Variants in NPHP4 observed in about 807,000 individuals in gnomAD.
The protein encoded by NPHP4 is nephrocystin-4.
A neutral mutation model predicts 155.8 loss-of-function variants in NPHP4; 151 were observed. The ratio of observed to expected loss-of-function variants is 0.97; its 90% CI spans 0.85 to 1.11. The LOEUF is 1.11. Ranked by LOEUF, NPHP4 falls within the 50% of genes least tolerant of loss-of-function variation. The probability of loss-of-function intolerance (pLI) is 0.00; values close to 1 mark genes in which losing one functional copy is unlikely to be tolerated. For missense variants in NPHP4, 1,956 were observed against 1,925.7 expected, an observed-to-expected ratio of 1.02 and a Z score of -0.29; for synonymous variants, 845 against 816.8, an observed-to-expected ratio of 1.03 and a Z score of -0.59.
intron 9 of NPHP4, among the ~76,000 whole-genome samples, chr1:5,937,192 T>A (rs548907867): frequency 2.6e-5 from 4 of 151,862 alleles, no homozygotes; most frequent in Admixed American, 6.6e-5. Flanking sequence ...CTCGGCTCTG[T>A]CACACCAGGG....
intron 6 of NPHP4, among the ~76,000 whole-genome samples, chr1:5,954,440 T>A (rs1648798370): frequency 6.6e-6 from 1 of 152,230 alleles, no homozygotes; most frequent in Non-Finnish European, 1.5e-5. Flanking sequence ...AGGCAGGAAC[T>A]GTAGATTATT....
intron 11 of NPHP4, among the ~76,000 whole-genome samples, chr1:5,916,330 A>C (rs1265051648): frequency 1.3e-5 from 2 of 152,198 alleles, no homozygotes; most frequent in Non-Finnish European, 1.5e-5. Context: ...CAAAGGAACC[A>C]TATAAGTTGG....
chr1:5,901,776 G>C (rs988714390), intron 16 of NPHP4, among the ~76,000 whole-genome samples: 1 of 152,236 alleles, frequency 6.6e-6, no homozygotes, highest in Non-Finnish European at 1.5e-5. Flanking sequence ...GTCTTCAGCA[G>C]TGGGTACAGA....
At position 5,882,455 on chromosome 1, in the gene NPHP4, C is replaced by T. The variant is rs1643385459; in HGVS notation, c.2486-2216G>A. 1 of 153,284 alleles carries T rather than the reference C, an allele frequency of 6.5e-6. No individual in the cohort carries two copies. The allele number at this position is 153,284 out of a possible 1,614,324, so 9.5% of individuals were successfully genotyped here. ...TGTCCCAGTAGCTGACACCCCCCGCCTCTTGTTCTTTCTCCTTGACCTCGA... is the reference window on the plus strand; with the variant it reads ...TGTCCCAGTAGCTGACACCCCCCGCTTCTTGTTCTTTCTCCTTGACCTCGA... On this transcript the variant is annotated intron_variant, in intron 18 of 29. Coordinates refer to ENST00000378156, the MANE Select transcript of NPHP4 (RefSeq NM_015102.5). The surrounding 1 kb of genome is among the most constrained non-coding windows in gnomAD (Gnocchi z 5.1).
At chr1:5,978,998 C>A (rs1654194021) in intron 2 of NPHP4, among the ~76,000 whole-genome samples, 2 of 152,164 alleles carry the variant, frequency 1.3e-5, no homozygotes, top group Non-Finnish European at 2.9e-5. Flanking sequence ...GAAATCATGG[C>A]TACAAATACA....
intron 10 of NPHP4, among the ~76,000 whole-genome samples, chr1:5,929,592 A>C (rs761594486): frequency 3.9e-5 from 6 of 152,148 alleles, no homozygotes; most frequent in Non-Finnish European, 5.9e-5. Context: ...TACTATAATG[A>C]ATTACATTTA....
intron 6 of NPHP4, among the ~76,000 whole-genome samples, chr1:5,958,871 A>AAAAAAAG (rs1289653981): frequency 4.6e-5 from 7 of 151,240 alleles, no homozygotes; most frequent in Non-Finnish European, 1.0e-4. Context: ...AAAAAAAAAA[A>AAAAAAAG]AAGAATTAGA....
intron 9 of NPHP4, among the ~76,000 whole-genome samples, chr1:5,942,566 T>A (rs1055089484): frequency 1.4e-3 from 73 of 53,354 alleles, no homozygotes; most frequent in Non-Finnish European, 1.9e-3. Context: ...ACTAAAATAT[T>A]AAAAATAAAA....
At chr1:5,964,880 T>C (rs1420289548) in intron 5 of NPHP4, among the ~76,000 whole-genome samples, 2 of 141,992 alleles carry the variant, frequency 1.4e-5, no homozygotes, top group African/African-American at 5.2e-5. Context: ...AACACACATA[T>C]AAATATACTA....
chr1:5,948,752 A>G (rs1022797468), intron 7 of NPHP4, among the ~76,000 whole-genome samples: 1 of 152,160 alleles, frequency 6.6e-6, no homozygotes, highest in Non-Finnish European at 1.5e-5. Flanking sequence ...CTGTCTACCC[A>G]GAGACCTGAG....
intron 9 of NPHP4, among the ~76,000 whole-genome samples, chr1:5,934,601 T>TGGCTCCCCAC (rs1247478625): frequency 3.9e-5 from 6 of 151,946 alleles, no homozygotes. Context: ...TAAAATGGGG[T>TGGCTCCCCAC]GGCTCCCCAC....
chr1:5,951,186 C>G (rs1467745843), intron 7 of NPHP4, among the ~76,000 whole-genome samples: 1 of 152,210 alleles, frequency 6.6e-6, no homozygotes, highest in East Asian at 1.9e-4. Flanking sequence ...ACCCGCGAGG[C>G]TCTGAGGGTG....
rs557494001 is a variant in NPHP4 at position 5,865,881 on chromosome 1, C to T, written c.3644+492G>A. 43 of 188,658 alleles carry T rather than the reference C, an allele frequency of 2.3e-4. 1 individual carries two copies. The highest frequency in any genetic ancestry group is 9.9e-4 in the African/African-American group (42 of 42,584). 11.7% of individuals were successfully genotyped at this position (188,658 alleles called of 1,614,324 possible). Reference sequence around the variant, plus strand: ...CCTCAGAAGCACTGCAGGAAATCTCCGAGCTCACACCAGTTTGAAAGGATT... The same window carrying T: ...CCTCAGAAGCACTGCAGGAAATCTCTGAGCTCACACCAGTTTGAAAGGATT... On this transcript the variant is annotated intron_variant, in intron 26 of 29. Coordinates refer to ENST00000378156, the MANE Select transcript of NPHP4 (RefSeq NM_015102.5).
At chr1:5,942,945 C>A (rs1646902072) in intron 9 of NPHP4, among the ~76,000 whole-genome samples, 1 of 152,192 alleles carries the variant, frequency 6.6e-6, no homozygotes, top group Non-Finnish European at 1.5e-5. Context: ...GTGATTTTTG[C>A]AGGTTTGCCC....
rs369950850 is a variant in NPHP4, at chr1:5,874,541, C to T, written c.3161G>A (p.Arg1054His). ...RGSLAPQLYL[R>H]PHETAHVPFK... ...GGGGACGTGGGCGGTCTCGTGGGGG[C>T]GCAGGTAGAGCTGGGGGGCCAGGCT... The change falls in exon 22 of 30, where the codon CGC becomes CAC. Residue 1054 changes from arginine to histidine, a missense_variant. Physicochemically the swap from Arg to His is conservative, Grantham distance 29. Coordinates refer to ENST00000378156, the MANE Select transcript of NPHP4 (RefSeq NM_015102.5). The T allele has an allele frequency of 1.5e-4, 232 of 1,599,360 alleles. 1 individual carries two copies. The highest frequency in any genetic ancestry group is 6.4e-4 in the African/African-American group (48 of 74,644).
chr1:5,978,947 G>A (rs1386417025), intron 2 of NPHP4, among the ~76,000 whole-genome samples: 1 of 152,180 alleles, frequency 6.6e-6, no homozygotes, highest in Non-Finnish European at 1.5e-5. Context: ...CAGATTTTGG[G>A]GTGACATTGG....
At chr1:5,920,940 T>C (rs974209552) in intron 11 of NPHP4, among the ~76,000 whole-genome samples, 1 of 152,228 alleles carries the variant, frequency 6.6e-6, no homozygotes, top group Non-Finnish European at 1.5e-5. Flanking sequence ...CCAAAGGCCA[T>C]AAAAATATTC....
chr1:5,962,013 A>G, intron 5 of NPHP4, 64 bp from the exon 6 acceptor site: 1 of 1,320,082 alleles, frequency 7.6e-7, no homozygotes, highest in Non-Finnish European at 1.1e-6. Context: ...CAGTCAAACC[A>G]GCCAATTAAC....
At chr1:5,903,401 A>G (rs1489892122) in intron 16 of NPHP4, among the ~76,000 whole-genome samples, 1 of 152,180 alleles carries the variant, frequency 6.6e-6, no homozygotes, top group Non-Finnish European at 1.5e-5. Flanking sequence ...AGGCTACTTC[A>G]TTTGAGGTCA....
Sources: allele counts gnomAD v4.1 joint callset (sites outside exome capture counted in the v4.1 genomes callset), GRCh38; gene constraint gnomAD v4.1.1; non-coding constraint Gnocchi (gnomAD v3.1); transcripts MANE v1.5; gene names NCBI Gene and HGNC (gene_info 2026-07-23, HGNC 2026-07-21).